Variants in ZFR2 observed in about 807,000 individuals in gnomAD.
The protein encoded by ZFR2 is zinc finger RNA binding protein 2, also known as zinc finger RNA-binding protein 2.
ZFR2 carries 104 observed loss-of-function variants against 105.7 expected under a neutral mutation model. The observed-to-expected ratio is 0.98, with a 90% CI of 0.84 to 1.16. The LOEUF is 1.16. ZFR2 is among the 50% of genes most tolerant of loss of function. The pLI is 0.00. For synonymous variants in ZFR2, 634 were observed against 597.7 expected (o/e 1.06, Z -0.89); for missense variants, 1,425 against 1,355.5 (o/e 1.05, Z -0.80).
intron 1 of ZFR2, among the ~76,000 whole-genome samples, chr19:3,867,304 T>TG (rs11404220): frequency 0.51 from 76,587 of 149,694 alleles, 19,832 homozygotes; most frequent in East Asian, 0.73. Context: ...GATCAACTGT[T>TG]GGGGGGGGAA....
At chr19:3,818,977 C>A in intron 12 of ZFR2, 68 bp downstream of exon 12, 2 of 1,543,538 alleles carry the variant, frequency 1.3e-6, no homozygotes. Context: ...CCTGCAGGGT[C>A]TCGTCCCGAG....
intron 11 of ZFR2, 117 bp from the exon 12 acceptor site, chr19:3,819,352 T>G: frequency 8.9e-7 from 1 of 1,118,806 alleles, no homozygotes. Flanking sequence ...GGCGGCAGCG[T>G]GGCCAGGTGA....
At chr19:3,836,066 G>A (rs1278428786) in intron 1 of ZFR2, among the ~76,000 whole-genome samples, 3 of 152,080 alleles carry the variant, frequency 2.0e-5, no homozygotes, top group Admixed American at 6.6e-5. Flanking sequence ...GACATAGAAC[G>A]ATATAGTGTT....
chr19:3,821,202 G>A, intron 10 of ZFR2, 138 bp downstream of exon 10: 1 of 1,241,562 alleles, frequency 8.1e-7, no homozygotes. Flanking sequence ...CGTGCCCACT[G>A]CCCGGGCACC....
At chr19:3,809,765 G>T (rs966396947) in intron 16 of ZFR2, among the ~76,000 whole-genome samples, 1 of 152,014 alleles carries the variant, frequency 6.6e-6, no homozygotes, top group African/African-American at 2.4e-5. Flanking sequence ...CCAACATGGC[G>T]AAACCCCATC....
chr19:3,852,370 C>T (rs887578484), intron 1 of ZFR2: 5 of 662,364 alleles, frequency 7.5e-6, no homozygotes, highest in African/African-American at 3.6e-5. Context: ...GGCTTCTCTG[C>T]CCCTGGAGGG....
intron 11 of ZFR2, among the ~76,000 whole-genome samples, chr19:3,819,582 G>A (rs1182918973): frequency 3.3e-5 from 5 of 152,166 alleles, no homozygotes; most frequent in African/African-American, 4.8e-5. Flanking sequence ...GGCCGGGCGC[G>A]GTGGCTCACG....
In ZFR2 at chr19:3,815,098, C is replaced by CT. The variant is rs983978764; in HGVS notation, c.2104-1141dup. ...ACTGATTTTTCATTTTTCTTTCTTT[C>CT]TTTTTTTTTAAGACAGAGTCTTACT... On this transcript the variant is annotated intron_variant, in intron 13 of 18. Transcript: ENST00000262961. Among the ~76,000 whole-genome samples, 4 of 149,846 alleles carry CT rather than the reference C, an allele frequency of 2.7e-5. No homozygotes were observed. The South Asian group carries it at 6.3e-4, about 23-fold the overall frequency.
At chr19:3,841,053 C>T (rs6510774) in intron 1 of ZFR2, among the ~76,000 whole-genome samples, 24,778 of 152,102 alleles carry the variant, frequency 0.16, 2,864 homozygotes, top group African/African-American at 0.33. Context: ...CTAGGTTGGC[C>T]ACGGTTCAGG....
intron 3 of ZFR2, among the ~76,000 whole-genome samples, chr19:3,833,248 C>CAA (rs1206859994): frequency 1.1e-4 from 8 of 75,236 alleles, no homozygotes; most frequent in East Asian, 3.4e-4. Context: ...GACTCCGTCT[C>CAA]AAAAAAAAAA....
chr19:3,805,977 C>T lies in ZFR2; in HGVS notation c.2792G>A (p.Gly931Asp). Residue 931 changes from glycine (G) to aspartate (D), a missense_variant, in exon 19 of 19, where the codon GGC becomes GAC. Physicochemically the swap from Gly to Asp is moderately conservative, Grantham distance 94. Coordinates refer to ENST00000262961, the MANE Select transcript of ZFR2 (RefSeq NM_015174.2). ...GEEGAGEKKR[G>D]RRGGEGLV ...CACGAGCCCCTCTCCGCCCCGCCGG[C>T]CCCGCTTCTTCTCCCCTGCGCCCTC... is the stretch of plus-strand genomic sequence containing the variant. The T allele has an allele frequency of 7.1e-6, 11 of 1,540,688 alleles. No individual in the cohort carries two copies. Among genetic ancestry groups the T allele is most frequent in the Non-Finnish European group, 9.6e-6 (11 of 1,145,738 alleles).
intron 8 of ZFR2, among the ~76,000 whole-genome samples, chr19:3,822,886 C>T (rs964170916): frequency 1.1e-4 from 17 of 152,318 alleles, no homozygotes; most frequent in African/African-American, 3.4e-4. Flanking sequence ...CCCAGGGTCC[C>T]GCAGGCCCAG....
chr19:3,817,141 C>T (rs548700931), intron 12 of ZFR2, among the ~76,000 whole-genome samples: 3 of 152,200 alleles, frequency 2.0e-5, no homozygotes, highest in African/African-American at 4.8e-5. Flanking sequence ...AGGCCCGCCC[C>T]GCGAGGTCTG....
At chr19:3,821,521 T>TCA in intron 9 of ZFR2, 42 bp from the exon 10 acceptor site, 1 of 1,521,260 alleles carries the variant, frequency 6.6e-7, no homozygotes, top group Non-Finnish European at 8.9e-7. Flanking sequence ...GGACCTTGCT[T>TCA]TAGACAGGGA....
chr19:3,841,012 A>C (rs1379644653), intron 1 of ZFR2, among the ~76,000 whole-genome samples: 2 of 152,212 alleles, frequency 1.3e-5, no homozygotes, highest in Non-Finnish European at 2.9e-5. Flanking sequence ...ATGAGTGAAG[A>C]AGCACATGGT....
chr19:3,808,230 C>T (rs147230027), intron 17 of ZFR2, among the ~76,000 whole-genome samples: 172 of 138,100 alleles, frequency 1.2e-3, no homozygotes, highest in Middle Eastern at 5.2e-3. Flanking sequence ...CGAGTGCGTG[C>T]GTGTGCCCGT....
chr19:3,828,454 G>A (rs2037976601), intron 5 of ZFR2, among the ~76,000 whole-genome samples: 1 of 152,164 alleles, frequency 6.6e-6, no homozygotes, highest in African/African-American at 2.4e-5. Flanking sequence ...GGGGGCTGCT[G>A]TATACAGAAA....
rs368745027 is a variant in ZFR2, at chr19:3,851,473, C to T, written c.54-16490G>A. ...AAACATGCAAATGCATGCACACACA[C>T]GTGCATGCACACACTGCTGTTCCAT... On this transcript the variant is annotated intron_variant, in intron 1 of 18. Transcript: ENST00000262961. 1.4e-4 allele frequency among the ~76,000 whole-genome samples: 22 copies of T among 152,318 alleles called. 2 individuals carry two copies. Among genetic ancestry groups the T allele is most frequent in the South Asian group, 4.1e-4 (2 of 4,824 alleles).
rs2285961 is a variant in ZFR2, at chr19:3,834,063, G to A, written c.265-285C>T. On this transcript the variant is annotated intron_variant, in intron 2 of 18. Coordinates refer to ENST00000262961, the MANE Select transcript of ZFR2 (RefSeq NM_015174.2). The surrounding 1 kb of genome is among the most constrained non-coding windows in gnomAD (Gnocchi z 5.3). ...GACGCTTGGTGCGGCAGGAGAGGGC[G>A]GGTTTGCAGGGAGAAGCCCCCGAGG... Among the ~76,000 whole-genome samples the A allele has an allele frequency of 6.0e-4, 92 of 152,292 alleles. 2 individuals carry two copies. In the East Asian group the frequency reaches 0.012, roughly 20 times the overall value.
Sources: allele counts gnomAD v4.1 joint callset (sites outside exome capture counted in the v4.1 genomes callset), GRCh38; gene constraint gnomAD v4.1.1; non-coding constraint Gnocchi (gnomAD v3.1); transcripts MANE v1.5; gene names NCBI Gene and HGNC (gene_info 2026-07-23, HGNC 2026-07-21).